The following PTPRM variants were observed in gnomAD, a reference collection of about 807,000 sequenced individuals.
PTPRM encodes protein tyrosine phosphatase receptor type M.
Under a neutral mutation model 186.7 loss-of-function variants are expected in PTPRM, and 47 were observed. That is an observed-to-expected ratio of 0.25 (90% CI 0.20 to 0.32). The LOEUF (loss-of-function observed/expected upper bound fraction) is 0.32. PTPRM is among the 10% of genes least tolerant of loss of function. PTPRM has a pLI of 1.00. For missense variants in PTPRM, 1,494 were observed against 1,865.0 expected, an observed-to-expected ratio of 0.80 and a Z score of 3.66; for synonymous variants, 668 against 674.9, an observed-to-expected ratio of 0.99 and a Z score of 0.16.
At chr18:8,165,523 T>G (rs2146389622) in intron 14 of PTPRM, among the ~76,000 whole-genome samples, 1 of 152,250 alleles carries the variant, frequency 6.6e-6, no homozygotes, top group Non-Finnish European at 1.5e-5. Flanking sequence ...CAAACTGCCT[T>G]GAAAAAACAC....
chr18:8,252,047 T>C (rs1471653409), intron 17 of PTPRM, among the ~76,000 whole-genome samples: 3 of 152,244 alleles, frequency 2.0e-5, no homozygotes, highest in African/African-American at 7.2e-5. Context: ...ACATTTTTAA[T>C]AGGTACCATT....
intron 2 of PTPRM, among the ~76,000 whole-genome samples, chr18:7,884,951 A>AAAG (rs1555632235): frequency 2.1e-5 from 3 of 146,202 alleles, no homozygotes; most frequent in Non-Finnish European, 3.0e-5. Flanking sequence ...AAAAAAAAAA[A>AAAG]GGAGAGAGAG....
intron 15 of PTPRM, among the ~76,000 whole-genome samples, chr18:8,244,463 G>A (rs903672245): frequency 1.3e-5 from 2 of 152,212 alleles, no homozygotes; most frequent in African/African-American, 2.4e-5. Flanking sequence ...GCAGTGACAC[G>A]AGGCTTTCCT....
intron 1 of PTPRM, among the ~76,000 whole-genome samples, chr18:7,692,495 A>G (rs1425316431): frequency 6.6e-6 from 1 of 152,250 alleles, no homozygotes; most frequent in Non-Finnish European, 1.5e-5. Flanking sequence ...ACTGGGTATT[A>G]GAGTGTGGAT....
chr18:7,735,711 T>C (rs1462004520), intron 1 of PTPRM, among the ~76,000 whole-genome samples: 1 of 152,150 alleles, frequency 6.6e-6, no homozygotes, highest in African/African-American at 2.4e-5. Flanking sequence ...TAACTAATAG[T>C]CTGGCACCTT....
At chr18:8,326,507 AGGC>A (rs2095377335) in intron 22 of PTPRM, among the ~76,000 whole-genome samples, 1 of 152,232 alleles carries the variant, frequency 6.6e-6, no homozygotes, top group South Asian at 2.1e-4. Flanking sequence ...ACAAAGCTGG[AGGC>A]ATCACTTTAT....
At chr18:7,991,284 G>A (rs1285705634) in intron 7 of PTPRM, among the ~76,000 whole-genome samples, 1 of 152,030 alleles carries the variant, frequency 6.6e-6, no homozygotes, top group African/African-American at 2.4e-5. Context: ...TTTATTTAAG[G>A]GACACCATGC....
chr18:8,166,613 T>C (rs2093327868), intron 14 of PTPRM, among the ~76,000 whole-genome samples: 1 of 152,240 alleles, frequency 6.6e-6, no homozygotes, highest in African/African-American at 2.4e-5. Context: ...TTGGTGATGA[T>C]GATGACAGCT....
chr18:8,166,723 A>G (rs906941648), intron 14 of PTPRM, among the ~76,000 whole-genome samples: 2 of 152,160 alleles, frequency 1.3e-5, no homozygotes, highest in African/African-American at 4.8e-5. Context: ...TCTGTAGCAC[A>G]TATTCTGTTG....
intron 19 of PTPRM, among the ~76,000 whole-genome samples, chr18:8,259,832 A>C (rs754023505): frequency 1.3e-5 from 2 of 151,780 alleles, no homozygotes; most frequent in Middle Eastern, 3.2e-3. Context: ...TTTTTAGTAG[A>C]GTTTTTCACC....
chr18:8,360,521 G>C (rs890541601), intron 23 of PTPRM, among the ~76,000 whole-genome samples: 2 of 152,188 alleles, frequency 1.3e-5, no homozygotes, highest in African/African-American at 4.8e-5. Flanking sequence ...GAAAATTGTG[G>C]GGGTGCTGCT....
intron 19 of PTPRM, among the ~76,000 whole-genome samples, chr18:8,294,442 G>A (rs1429951577): frequency 3.9e-5 from 6 of 152,124 alleles, no homozygotes; most frequent in East Asian, 1.9e-4. Context: ...GGGAAAAGCC[G>A]CTTATAAAAC....
At chr18:7,813,940 G>A (rs186142029) in intron 2 of PTPRM, among the ~76,000 whole-genome samples, 14 of 151,996 alleles carry the variant, frequency 9.2e-5, no homozygotes, top group Admixed American at 7.2e-4. Flanking sequence ...TTATTAACAT[G>A]GTAGTCTATC....
chr18:8,282,856 A>G (rs985500057), intron 19 of PTPRM, among the ~76,000 whole-genome samples: 1 of 152,176 alleles, frequency 6.6e-6, no homozygotes, highest in Non-Finnish European at 1.5e-5. Flanking sequence ...GGGAATGACT[A>G]GACAAACTCT....
At chr18:7,821,943 T>C (rs2045221110) in intron 2 of PTPRM, among the ~76,000 whole-genome samples, 1 of 152,204 alleles carries the variant, frequency 6.6e-6, no homozygotes, top group Non-Finnish European at 1.5e-5. Flanking sequence ...ATTTGCCCCA[T>C]GATATTTTTG....
chr18:8,319,188 G>T lies in PTPRM; in HGVS notation c.2930G>T (p.Arg977Leu). 1 of 1,553,180 alleles carries T rather than the reference G, an allele frequency of 6.4e-7. No individual in the cohort carries two copies. Among genetic ancestry groups the T allele is most frequent in the South Asian group, 1.1e-5 (1 of 87,250 alleles). ...TTTATTTATTTTTAGGGTTATCATC[G>T]ACCCAATCATTACATTGCTACCCAA... ...INGNYIDGYHRPNHYIATQGP... is the reference protein window; with the variant it reads ...INGNYIDGYHLPNHYIATQGP... Residue 977 changes from arginine to leucine, a missense_variant, in exon 22 of 33, where the codon CGA becomes CTA. This residue lies in a region of PTPRM where 1,107 missense variants were observed against 1,350.2 expected (regional missense o/e 0.82). Transcript: ENST00000580170.
chr18:7,881,751 G>A (rs905126855), intron 2 of PTPRM, among the ~76,000 whole-genome samples: 2 of 152,250 alleles, frequency 1.3e-5, no homozygotes, highest in East Asian at 3.9e-4. Context: ...GTGATTCCAT[G>A]TGCCGTGGCC....
intron 14 of PTPRM, among the ~76,000 whole-genome samples, chr18:8,161,361 T>C (rs557119334): frequency 6.6e-6 from 1 of 152,210 alleles, no homozygotes; most frequent in South Asian, 2.1e-4. Context: ...CTAAAGGTCA[T>C]AGAAGGGTTA....
At chr18:7,984,183 C>T (rs535992807) in intron 7 of PTPRM, among the ~76,000 whole-genome samples, 7 of 152,160 alleles carry the variant, frequency 4.6e-5, no homozygotes, top group Middle Eastern at 3.4e-3. Context: ...ACCATAGTCA[C>T]CAAAGAGTCA....
Sources: gnomAD v4.1 joint callset for allele counts (sites outside exome capture counted in the v4.1 genomes callset) on GRCh38, gnomAD v4.1.1 for gene constraint, gnomAD v4.1.1 regional missense constraint, MANE v1.5 for transcripts, NCBI Gene and HGNC (gene_info 2026-07-23, HGNC 2026-07-21) for gene names.